The following TBC1D17 variants were observed in gnomAD, a reference collection of about 807,000 sequenced individuals.
The protein encoded by TBC1D17 is TBC1 domain family, member 17.
Under a neutral mutation model 78.8 loss-of-function variants are expected in TBC1D17, and 69 were observed. The ratio of observed to expected loss-of-function variants is 0.88; its 90% CI spans 0.72 to 1.07. The LOEUF (loss-of-function observed/expected upper bound fraction) is 1.07. Ranked by LOEUF, TBC1D17 falls within the 50% of genes least tolerant of loss-of-function variation. The pLI is 0.00. For missense variants in TBC1D17, 957 were observed against 861.0 expected (o/e 1.11, Z -1.39); for synonymous variants, 456 against 358.3 (o/e 1.27, Z -3.08).
intron 10 of TBC1D17, 68 bp from the exon 11 acceptor site, chr19:49,884,185 A>C: frequency 7.1e-7 from 1 of 1,398,910 alleles, no homozygotes; most frequent in South Asian, 1.2e-5. Flanking sequence ...GGGGGCTGGC[A>C]CTGGTGGCCA....
chr19:49,879,714 ACTC>A (rs1600443657), intron 3 of TBC1D17, among the ~76,000 whole-genome samples: 1 of 148,802 alleles, frequency 6.7e-6, no homozygotes, highest in East Asian at 2.0e-4. Flanking sequence ...TCCATTGAGC[ACTC>A]CGCAGCCTGA....
chr19:49,877,770 G>A (rs1391295113), intron 1 of TBC1D17, 26 bp downstream of exon 1: 2 of 1,581,150 alleles, frequency 1.3e-6, no homozygotes, highest in Non-Finnish European at 1.7e-6. Flanking sequence ...GCATTCCCTC[G>A]CTTCAGTGTA....
Position 49,884,570 on chromosome 19 carries a change from G to T in TBC1D17, c.1344+11G>T. 6.2e-7 allele frequency: 1 copy of T among 1,614,030 alleles called. No homozygotes were observed. The highest frequency in any genetic ancestry group is 1.3e-5 in the African/African-American group (1 of 75,034). ...TTCATGGAGCTCGTGGTGAGGCTTG[G>T]GTCAGGGGTGGGACACAGGCCTATC... On this transcript the variant is annotated intron_variant, in intron 12 of 16. Transcript: ENST00000221543.
rs146631204 is a variant in TBC1D17 at position 49,882,046 on chromosome 19, C to T, written c.533C>T (p.Pro178Leu). The T allele has an allele frequency of 6.8e-4, 1,104 of 1,613,546 alleles. 15 individuals carry two copies. The highest frequency in any genetic ancestry group is 1.2e-3 in the Middle Eastern group (7 of 6,072). The change falls in exon 6 of 17, where the codon CCG becomes CTG. Residue 178 changes from proline (P) to leucine (L), a missense_variant. Transcript: ENST00000221543. ...LSRYLLLASS[P>L]QDSRLYLVFP... ...CGTCACCTCCCGCCTCCCAGCTCCC[C>T]GCAGGACTCCCGCCTCTACCTTGTC...
chr19:49,882,741 G>A, intron 7 of TBC1D17, 23 bp from the exon 8 acceptor site: 1 of 1,527,942 alleles, frequency 6.5e-7, no homozygotes, highest in South Asian at 1.3e-5. Context: ...CGAGCCCCAG[G>A]CTCATTTGCT....
intron 13 of TBC1D17, chr19:49,885,166 G>C (rs575121481): frequency 1.6e-5 from 4 of 243,372 alleles, no homozygotes; most frequent in South Asian, 1.5e-4. Context: ...TTTATTCTTC[G>C]ACCAGGCACA....
At chr19:49,883,352 T>C (rs1250054149) in intron 9 of TBC1D17, among the ~76,000 whole-genome samples, 7 of 152,176 alleles carry the variant, frequency 4.6e-5, no homozygotes, top group African/African-American at 1.7e-4. Context: ...ATTCCTGGTG[T>C]AGGTTATATA....
Position 49,882,027 on chromosome 19 carries a change from C to T in TBC1D17, c.528-14C>T. On this transcript the variant is annotated splice_polypyrimidine_tract_variant and intron_variant, in intron 5 of 16. Transcript: ENST00000221543. Reference sequence around the variant, plus strand: ...TACCTGTGCATCACCTGTGCGTCACCTCCCGCCTCCCAGCTCCCCGCAGGA... The same window carrying T: ...TACCTGTGCATCACCTGTGCGTCACTTCCCGCCTCCCAGCTCCCCGCAGGA... The T allele has an allele frequency of 1.9e-6, 3 of 1,609,622 alleles. No homozygotes were observed. The highest frequency in any genetic ancestry group is 2.5e-6 in the Non-Finnish European group (3 of 1,176,506).
In TBC1D17 at chr19:49,880,204, C is replaced by T. The variant is rs978589253; in HGVS notation, c.196-75C>T. On this transcript the variant is annotated intron_variant, in intron 3 of 16. Coordinates refer to ENST00000221543, the MANE Select transcript of TBC1D17 (RefSeq NM_024682.3). ...CAGTTTCCCTCTTTATTCAATGGGG[C>T]TATCTTCCAGGGTAGCCTCGAGGCT... 55 of 1,562,964 alleles carry T rather than the reference C, an allele frequency of 3.5e-5. No individual in the cohort carries two copies. In the African/African-American group the frequency reaches 5.3e-4, roughly 15 times the overall value.
At chr19:49,884,409 C>T in intron 11 of TBC1D17, 40 bp downstream of exon 11, 1 of 1,613,786 alleles carries the variant, frequency 6.2e-7, no homozygotes, top group Non-Finnish European at 8.5e-7. Context: ...CCGGGGCTGT[C>T]CAGGGGAGCG....
intron 9 of TBC1D17, among the ~76,000 whole-genome samples, 195 bp downstream of exon 9, chr19:49,883,271 C>T (rs1022632485): frequency 1.3e-5 from 2 of 152,196 alleles, no homozygotes; most frequent in South Asian, 2.1e-4. Context: ...GTTTTCATTC[C>T]TGTGCCATAC....
In TBC1D17 at chr19:49,878,257, G is replaced by T; in HGVS notation, c.120+16G>T. ...CGTGGAAAAGGTGCGCTGGGAGGGAGCAGGGCTCGGACCCGCTCCGAGCGG... is the reference window on the plus strand; with the variant it reads ...CGTGGAAAAGGTGCGCTGGGAGGGATCAGGGCTCGGACCCGCTCCGAGCGG... On this transcript the variant is annotated intron_variant, in intron 2 of 16. Transcript: ENST00000221543. 1 of 1,552,554 alleles carries T rather than the reference G, an allele frequency of 6.4e-7. No homozygotes were observed.
At chr19:49,883,798 G>T (rs2075036347) in intron 10 of TBC1D17, 53 bp downstream of exon 10, 4 of 1,500,686 alleles carry the variant, frequency 2.7e-6, no homozygotes, top group Non-Finnish European at 2.8e-6. Flanking sequence ...ACCACAGGAG[G>T]GCCTCAGGCA....
rs753382933 is a variant in TBC1D17 at position 49,884,351 on chromosome 19, A to C, written c.1225A>C (p.Met409Leu). The part of the protein sequence containing the change: ...LLNDILLTYC[M>L]YHFDLGYVQG... ...GAACGATATCCTCCTCACCTACTGC[A>C]TGTATCACTTCGACCTCGGTGGGTG... Residue 409 changes from methionine (M) to leucine (L), a missense_variant, in exon 11 of 17, where the codon ATG becomes CTG. Transcript: ENST00000221543. The C allele has an allele frequency of 1.9e-6, 3 of 1,613,858 alleles. No individual in the cohort carries two copies. Among genetic ancestry groups the C allele is most frequent in the Non-Finnish European group, 1.7e-6 (2 of 1,179,990 alleles).
intron 15 of TBC1D17, 128 bp downstream of exon 15, chr19:49,887,962 G>A: frequency 2.1e-6 from 2 of 944,590 alleles, no homozygotes; most frequent in Non-Finnish European, 3.2e-6. Context: ...AGCGCAGTGG[G>A]GGTGGGGCCG....
intron 13 of TBC1D17, chr19:49,887,209 G>A (rs1001515127): frequency 2.1e-6 from 1 of 475,712 alleles, no homozygotes. Flanking sequence ...GCGGGCAGAG[G>A]TCTGTTTCGT....
intron 3 of TBC1D17, chr19:49,879,298 A>G (rs2074989131): frequency 6.6e-6 from 1 of 152,288 alleles, no homozygotes; most frequent in Non-Finnish European, 1.5e-5. Context: ...TGAGACCTCC[A>G]TTGGAGCTGA....
intron 3 of TBC1D17, chr19:49,878,812 C>T (rs1291851814): frequency 1.9e-6 from 1 of 513,332 alleles, no homozygotes; most frequent in Non-Finnish European, 3.5e-6. Context: ...GCTGACCCCT[C>T]TCTCCCTTTG....
intron 13 of TBC1D17, 140 bp downstream of exon 13, chr19:49,884,898 A>G: frequency 1.3e-6 from 1 of 758,392 alleles, no homozygotes; most frequent in South Asian, 1.7e-5. Context: ...TAGAATGTAG[A>G]GGCAGAATTG....
Sources: gnomAD v4.1 joint callset for allele counts (sites outside exome capture counted in the v4.1 genomes callset) on GRCh38, gnomAD v4.1.1 for gene constraint, MANE v1.5 for transcripts, NCBI Gene and HGNC (gene_info 2026-07-23, HGNC 2026-07-21) for gene names.